Variants in NXN observed in about 807,000 individuals in gnomAD.
The protein encoded by NXN is nucleoredoxin, also known as nucleoredoxin 1.
In NXN, 16 loss-of-function variants were observed where a neutral mutation model predicts 48.6. That is an observed-to-expected ratio of 0.33 (90% confidence interval 0.22 to 0.50). NXN has a LOEUF of 0.50. Among genes scored for constraint, NXN ranks in the 20% least tolerant of loss-of-function variants. The pLI, the probability that NXN is intolerant of heterozygous loss-of-function variation, is 0.98. For missense variants in NXN, 492 were observed against 605.5 expected (o/e 0.81, Z 1.97); for synonymous variants, 281 against 269.6 (o/e 1.04, Z -0.41).
intron 1 of NXN, among the ~76,000 whole-genome samples, chr17:853,723 A>ATATATATATATATATATTTT (rs1491528474): frequency 1.5e-4 from 16 of 105,996 alleles, no homozygotes; most frequent in Non-Finnish European, 2.5e-4. Context: ...ATATATATAT[A>ATATATATATATATATATTTT]TTTTTTTTTT....
chr17:916,173 G>C (rs1310540028), intron 1 of NXN, among the ~76,000 whole-genome samples: 1 of 152,188 alleles, frequency 6.6e-6, no homozygotes, highest in Non-Finnish European at 1.5e-5. Context: ...CACTTTGCTA[G>C]AAATCCTGGC....
chr17:969,142 C>T (rs1481287063), intron 1 of NXN, among the ~76,000 whole-genome samples: 4 of 152,144 alleles, frequency 2.6e-5, no homozygotes, highest in Non-Finnish European at 4.4e-5. Context: ...AATACCGAAG[C>T]GCCTGGTAAA....
chr17:908,041 A>T (rs2068597348), intron 1 of NXN: 1 of 152,126 alleles, frequency 6.6e-6, no homozygotes, highest in Admixed American at 6.6e-5. Context: ...GTTCAAAGGC[A>T]TTCCTGCTTT....
At chr17:967,538 A>C (rs1354671973) in intron 1 of NXN, among the ~76,000 whole-genome samples, 1 of 152,228 alleles carries the variant, frequency 6.6e-6, no homozygotes, top group African/African-American at 2.4e-5. Context: ...GGCTCAGAAA[A>C]GTTCAGGAAT....
At position 801,443 on chromosome 17, in the gene NXN, C is replaced by CTTT. The variant is rs71371579; in HGVS notation, c.1126-315_1126-313dup. 5.5e-3 allele frequency among the ~76,000 whole-genome samples: 572 copies of CTTT among 104,256 alleles called. 44 individuals are homozygous for CTTT. Among genetic ancestry groups the CTTT allele is most frequent in the African/African-American group, 0.018 (500 of 28,302 alleles). 68.4% of individuals were successfully genotyped at this position (104,256 alleles called of 152,430 possible). A position where few individuals can be genotyped will look rare whatever the true frequency, so the allele number is the denominator to read the frequency against. On this transcript the variant is annotated intron_variant, in intron 7 of 7. Coordinates refer to ENST00000336868, the MANE Select transcript of NXN (RefSeq NM_022463.5). ...CTCAGCATTTTAGAAATGTCACATT[C>CTTT]TTTTTTTTTTTTTTTTTTTTGAGAT...
chr17:805,033 C>A (rs1190831927), intron 6 of NXN, 35 bp downstream of exon 6: 1 of 1,531,168 alleles, frequency 6.5e-7, no homozygotes, highest in African/African-American at 1.4e-5. Context: ...CGCCCCCCAG[C>A]CACCCCTCGC....
At chr17:808,678 T>TTTTC in intron 5 of NXN, among the ~76,000 whole-genome samples, 1 of 148,058 alleles carries the variant, frequency 6.8e-6, no homozygotes, top group Admixed American at 6.7e-5. Context: ...ATAAACCAGT[T>TTTTC]TTTTTTTTTT....
intron 1 of NXN, among the ~76,000 whole-genome samples, chr17:881,209 T>G (rs901534200): frequency 6.6e-6 from 1 of 152,200 alleles, no homozygotes; most frequent in Non-Finnish European, 1.5e-5. Context: ...GTGGAGCAAG[T>G]GCGAGTCTCA....
intron 1 of NXN, among the ~76,000 whole-genome samples, chr17:837,998 G>A (rs759749408): frequency 4.6e-5 from 7 of 152,230 alleles, no homozygotes; most frequent in African/African-American, 9.6e-5. Flanking sequence ...GATATATGCC[G>A]CACACGTTCT....
chr17:822,750 G>C (rs1456076921), intron 3 of NXN, among the ~76,000 whole-genome samples: 1 of 152,142 alleles, frequency 6.6e-6, no homozygotes, highest in Non-Finnish European at 1.5e-5. Flanking sequence ...ACAAGCACCC[G>C]CATTGTCCCT....
At position 868,735 on chromosome 17, in the gene NXN, G is replaced by C. The variant is rs377225095; in HGVS notation, c.361-42657C>G. On this transcript the variant is annotated intron_variant, in intron 1 of 7. Coordinates refer to ENST00000336868, the MANE Select transcript of NXN (RefSeq NM_022463.5). ...TCTCGATTTCCTGACCTCGTGATCC[G>C]CCCGCCTCGGCCTCCCAAAGTGCTG... Among the ~76,000 whole-genome samples the C allele has an allele frequency of 1.7e-4, 26 of 152,098 alleles. 1 individual carries two copies. The highest frequency in any genetic ancestry group is 5.8e-4 in the African/African-American group (24 of 41,498).
intron 1 of NXN, among the ~76,000 whole-genome samples, chr17:837,061 C>T (rs1913867559): frequency 6.6e-6 from 1 of 152,082 alleles, no homozygotes; most frequent in African/African-American, 2.4e-5. Context: ...TCACTGCAGC[C>T]TCCACCACCC....
intron 1 of NXN, among the ~76,000 whole-genome samples, chr17:900,352 G>A (rs1041175507): frequency 6.6e-6 from 1 of 152,166 alleles, no homozygotes; most frequent in Non-Finnish European, 1.5e-5. Context: ...TATAGATGGA[G>A]AAATGGAGGC....
intron 1 of NXN, among the ~76,000 whole-genome samples, chr17:853,723 A>ATATATATATATATATATATATATAT (rs1491528474): frequency 5.7e-5 from 6 of 105,966 alleles, no homozygotes; most frequent in Admixed American, 2.0e-4. Flanking sequence ...ATATATATAT[A>ATATATATATATATATATATATATAT]TTTTTTTTTT....
At chr17:868,952 GAC>G in intron 1 of NXN, among the ~76,000 whole-genome samples, 1 of 152,328 alleles carries the variant, frequency 6.6e-6, no homozygotes, top group East Asian at 1.9e-4. Context: ...GCCAGAGAAA[GAC>G]ACAGAAAACA....
rs926493663 is a variant in NXN, at chr17:950,533, G to A, written c.360+28786C>T. Among the ~76,000 whole-genome samples, 21 of 150,324 alleles carry A rather than the reference G, an allele frequency of 1.4e-4. 1 individual carries two copies. Among genetic ancestry groups the A allele is most frequent in the African/African-American group, 4.2e-4 (17 of 40,532 alleles). On this transcript the variant is annotated intron_variant, in intron 1 of 7. Transcript: ENST00000336868. ...CAAAAGCAAAACCAAAGCTCAGCATGTGCTTCTAGAACTTTCTATATCTGG... is the reference window on the plus strand; with the variant it reads ...CAAAAGCAAAACCAAAGCTCAGCATATGCTTCTAGAACTTTCTATATCTGG...
intron 1 of NXN, among the ~76,000 whole-genome samples, chr17:911,689 A>C (rs934245486): frequency 9.3e-5 from 14 of 150,428 alleles, no homozygotes; most frequent in African/African-American, 3.2e-4. Context: ...GATGGTCTTG[A>C]TCTCCTGACC....
At chr17:876,338 G>A (rs2068215726) in intron 1 of NXN, among the ~76,000 whole-genome samples, 1 of 152,180 alleles carries the variant, frequency 6.6e-6, no homozygotes, top group Admixed American at 6.5e-5. Flanking sequence ...AATCTCACAT[G>A]TTGTCAAAAA....
intron 1 of NXN, among the ~76,000 whole-genome samples, chr17:966,859 G>A (rs866927271): frequency 2.6e-5 from 3 of 114,298 alleles, no homozygotes; most frequent in Non-Finnish European, 5.3e-5. Context: ...TGGCCTGGGT[G>A]GGGGGGAAGG....
Sources: allele counts gnomAD v4.1 joint callset (sites outside exome capture counted in the v4.1 genomes callset), GRCh38; gene constraint gnomAD v4.1.1; transcripts MANE v1.5; gene names NCBI Gene and HGNC (gene_info 2026-07-23, HGNC 2026-07-21).